BCKDHB: variants seen among roughly 807,000 people sequenced by gnomAD.
BCKDHB encodes branched chain keto acid dehydrogenase E1 subunit beta.
Under a neutral mutation model 48.5 loss-of-function variants are expected in BCKDHB, and 41 were observed. The ratio of observed to expected loss-of-function variants is 0.85; its 90% confidence interval spans 0.66 to 1.10. BCKDHB has a LOEUF of 1.10. Among genes scored for constraint, BCKDHB ranks in the 50% least tolerant of loss-of-function variants. The pLI is 0.00. For missense variants in BCKDHB, 496 were observed against 494.2 expected, an observed-to-expected ratio of 1.00 and a Z score of -0.03; for synonymous variants, 201 against 174.8, an observed-to-expected ratio of 1.15 and a Z score of -1.18.
chr6:80,268,671 A>G (rs914515717), intron 8 of BCKDHB, among the ~76,000 whole-genome samples: 7 of 152,088 alleles, frequency 4.6e-5, no homozygotes, highest in African/African-American at 1.7e-4. Flanking sequence ...TCGATGTTGT[A>G]CTTTCAGGAA....
At chr6:80,354,954 T>C in the BCKDHB span, among the ~76,000 whole-genome samples, 1 of 152,232 alleles carries the variant, frequency 6.6e-6, no homozygotes. Context: ...CCAGCTTTGT[T>C]CTTTTGCTTA....
chr6:80,190,377 A>G (rs1413795570), intron 6 of BCKDHB, among the ~76,000 whole-genome samples: 1 of 152,180 alleles, frequency 6.6e-6, no homozygotes, highest in Non-Finnish European at 1.5e-5. Flanking sequence ...ATATATGTTT[A>G]TATTTAATAC....
the BCKDHB span, among the ~76,000 whole-genome samples, chr6:80,426,714 T>G: frequency 6.6e-6 from 1 of 152,148 alleles, no homozygotes; most frequent in Non-Finnish European, 1.5e-5. Context: ...CTTTAAAAAA[T>G]GTACTGAGAC....
intron 8 of BCKDHB, among the ~76,000 whole-genome samples, chr6:80,228,271 A>G (rs944845370): frequency 2.6e-5 from 4 of 152,208 alleles, no homozygotes; most frequent in Non-Finnish European, 5.9e-5. Context: ...TAGAAAATGC[A>G]TGGATAAAAC....
chr6:80,342,567 AAAAAAAAAAAAAGAAAG>A (rs1159199882), intron 9 of BCKDHB, among the ~76,000 whole-genome samples: 2 of 144,980 alleles, frequency 1.4e-5, no homozygotes, highest in Admixed American at 1.4e-4. Flanking sequence ...AAAAAAAAAA[AAAAAAAAAAAAAGAAAG>A]GGAAGAAAGG....
the BCKDHB span, among the ~76,000 whole-genome samples, chr6:80,388,870 C>T: frequency 6.6e-6 from 1 of 152,176 alleles, no homozygotes; most frequent in Non-Finnish European, 1.5e-5. Flanking sequence ...GAGAAATCTT[C>T]CCAGTGGGCA....
intron 1 of BCKDHB, among the ~76,000 whole-genome samples, chr6:80,110,500 G>A (rs1356795208): frequency 6.6e-6 from 1 of 152,128 alleles, no homozygotes; most frequent in East Asian, 1.9e-4. Context: ...CCTCTCTAAG[G>A]CCCAGGCAAA....
the BCKDHB span, among the ~76,000 whole-genome samples, chr6:80,416,733 G>A: frequency 3.3e-5 from 5 of 151,392 alleles, no homozygotes; most frequent in East Asian, 5.8e-4. Context: ...CCATGTGGTG[G>A]TGAGAATAAT....
the BCKDHB span, among the ~76,000 whole-genome samples, chr6:80,412,295 C>A: frequency 6.6e-6 from 1 of 151,820 alleles, no homozygotes; most frequent in Non-Finnish European, 1.5e-5. Context: ...AGGCATGCAC[C>A]ACCACACCTG....
chr6:80,430,640 G>T, the BCKDHB span, among the ~76,000 whole-genome samples: 2 of 152,144 alleles, frequency 1.3e-5, no homozygotes, highest in African/African-American at 4.8e-5. Flanking sequence ...ATGGTAGTTT[G>T]TATTGCTGTG....
At chr6:80,115,837 C>T (rs1278702308) in intron 1 of BCKDHB, among the ~76,000 whole-genome samples, 2 of 152,056 alleles carry the variant, frequency 1.3e-5, no homozygotes, top group East Asian at 1.9e-4. Flanking sequence ...GGAGTTTTAC[C>T]GTGTTAGCAA....
chr6:80,133,831 C>T (rs910037512), intron 3 of BCKDHB, among the ~76,000 whole-genome samples: 9 of 151,844 alleles, frequency 5.9e-5, no homozygotes, highest in Non-Finnish European at 1.2e-4. Context: ...TTAGTAGAGA[C>T]GGGGTTTCAT....
rs147724883 is a variant in BCKDHB, at chr6:80,154,034, A to T, written c.344-13644A>T. On this transcript the variant is annotated intron_variant, in intron 3 of 9. Transcript: ENST00000320393. Reference sequence around the variant, plus strand: ...TATTTCCTGCCTTTGGTCACACTTTACCTTCTACCTGTGCCTGTCGAAATT... The same window carrying T: ...TATTTCCTGCCTTTGGTCACACTTTTCCTTCTACCTGTGCCTGTCGAAATT... 1.7e-3 allele frequency among the ~76,000 whole-genome samples: 265 copies of T among 152,192 alleles called. 1 individual carries two copies. Among genetic ancestry groups the T allele is most frequent in the African/African-American group, 6.0e-3 (251 of 41,528 alleles).
chr6:80,287,443 A>T (rs1255926633), intron 9 of BCKDHB, among the ~76,000 whole-genome samples: 1 of 148,586 alleles, frequency 6.7e-6, no homozygotes, highest in African/African-American at 2.5e-5. Context: ...GATCAAGAAT[A>T]TAAATGCTAT....
chr6:80,405,587 G>A, the BCKDHB span, among the ~76,000 whole-genome samples: 8 of 151,902 alleles, frequency 5.3e-5, no homozygotes, highest in Admixed American at 2.6e-4. Context: ...TGGCTATTTT[G>A]TAGTTCCTTT....
chr6:80,220,539 A>G (rs765783003), intron 8 of BCKDHB, among the ~76,000 whole-genome samples: 3 of 150,564 alleles, frequency 2.0e-5, no homozygotes, highest in Non-Finnish European at 4.4e-5. Context: ...AAAGTTGCAT[A>G]GATCTGTGCA....
At chr6:80,171,495 C>A in intron 6 of BCKDHB, 105 bp downstream of exon 6, 1 of 675,244 alleles carries the variant, frequency 1.5e-6, no homozygotes, top group Non-Finnish European at 2.4e-6. Context: ...TTTATATTTT[C>A]CTTGTAGAAA....
the BCKDHB span, among the ~76,000 whole-genome samples, chr6:80,361,318 A>G: frequency 6.6e-6 from 1 of 152,188 alleles, no homozygotes; most frequent in Non-Finnish European, 1.5e-5. Flanking sequence ...AGCTTGGGTC[A>G]GGTGTCTACT....
At chr6:80,374,108 T>C in the BCKDHB span, 2 of 704,746 alleles carry the variant, frequency 2.8e-6, no homozygotes, top group South Asian at 2.7e-5. Context: ...GAGCAATCTG[T>C]TCCTTTTCAG....
Sources: allele counts gnomAD v4.1 joint callset (sites outside exome capture counted in the v4.1 genomes callset), GRCh38; gene constraint gnomAD v4.1.1; transcripts MANE v1.5; gene names NCBI Gene and HGNC (gene_info 2026-07-23, HGNC 2026-07-21).